GRIK1: variants seen among roughly 807,000 people sequenced by gnomAD.
GRIK1 encodes the protein glutamate ionotropic receptor kainate type subunit 1, also known as glutamate receptor ionotropic, kainate 1.
In GRIK1, 69 loss-of-function variants were observed where a neutral mutation model predicts 105.7. The observed-to-expected ratio is 0.65, with a 90% CI of 0.54 to 0.80. GRIK1 has a LOEUF of 0.80. Ranked by LOEUF, GRIK1 falls within the 30% of genes least tolerant of loss-of-function variation. GRIK1 has a pLI of 0.00. For synonymous variants in GRIK1, 438 were observed against 431.3 expected (o/e 1.02, Z -0.19); for missense variants, 1,109 against 1,167.3 (o/e 0.95, Z 0.73).
intron 4 of GRIK1, among the ~76,000 whole-genome samples, chr21:29,656,032 G>A (rs970567716): frequency 6.6e-6 from 1 of 152,048 alleles, no homozygotes; most frequent in Non-Finnish European, 1.5e-5. Flanking sequence ...CTATTTGGGT[G>A]CTTTTTTTAT....
intron 7 of GRIK1, among the ~76,000 whole-genome samples, chr21:29,619,070 G>T (rs2061921433): frequency 1.3e-5 from 2 of 149,190 alleles, no homozygotes; most frequent in Admixed American, 6.8e-5. Context: ...AGCTTGCAGT[G>T]AGCCGAGATT....
rs1488415981 is a variant in GRIK1, at chr21:29,870,371, C to T, written c.118+69012G>A. 3.3e-5 allele frequency among the ~76,000 whole-genome samples: 5 copies of T among 152,042 alleles called. 1 individual carries two copies. The East Asian group carries it at 7.7e-4, about 24-fold the overall frequency. The stretch of plus-strand genomic sequence containing the variant: ...GATTTTCAATTTGCGATATCAATTG[C>T]CAGTTTATATTGCCTTTATCTTTCC... On this transcript the variant is annotated intron_variant, in intron 1 of 17. Transcript: ENST00000327783.
At chr21:29,731,015 A>G (rs2064610535) in intron 1 of GRIK1, among the ~76,000 whole-genome samples, 1 of 152,194 alleles carries the variant, frequency 6.6e-6, no homozygotes, top group Non-Finnish European at 1.5e-5. Context: ...TCTCATTACT[A>G]GCTGAAGAAA....
intron 4 of GRIK1, among the ~76,000 whole-genome samples, chr21:29,669,520 T>G (rs2063124087): frequency 6.6e-6 from 1 of 152,214 alleles, no homozygotes; most frequent in South Asian, 2.1e-4. Flanking sequence ...TCATCCATTC[T>G]GCTTGGGGGC....
At chr21:29,584,010 A>T (rs906381850) in intron 12 of GRIK1, among the ~76,000 whole-genome samples, 1 of 152,208 alleles carries the variant, frequency 6.6e-6, no homozygotes, top group East Asian at 1.9e-4. Flanking sequence ...GAAGGGAAGA[A>T]ACATGCTTAA....
At position 29,758,326 on chromosome 21, in the gene GRIK1, A is replaced by T. The variant is rs1468167133; in HGVS notation, c.119-64263T>A. ...TTAATGGACTCACAGTTCCACATGG[A>T]TGGGGAGCCCTCACAACCATGGCAG... On this transcript the variant is annotated intron_variant, in intron 1 of 17. Transcript: ENST00000327783. 2.0e-5 allele frequency among the ~76,000 whole-genome samples: 3 copies of T among 152,336 alleles called. No individual in the cohort carries two copies. The East Asian group carries it at 5.8e-4, about 29-fold the overall frequency.
At chr21:29,828,101 G>A (rs1046880154) in intron 1 of GRIK1, among the ~76,000 whole-genome samples, 17 of 151,482 alleles carry the variant, frequency 1.1e-4, no homozygotes, top group African/African-American at 2.9e-4. Context: ...ATGGTGGCTC[G>A]GGGCTTTCTA....
In GRIK1 at chr21:29,673,128, G is replaced by C; in HGVS notation, c.581C>G (p.Ser194Cys). 1.2e-6 allele frequency: 2 copies of C among 1,612,630 alleles called. No homozygotes were observed. Among genetic ancestry groups the C allele is most frequent in the South Asian group, 2.2e-5 (2 of 91,024 alleles). The change falls in exon 4 of 18, where the codon TCC becomes TGC. Residue 194 changes from serine (S) to cysteine (C), a missense_variant. Around this residue, in one of 5 missense-constraint regions of GRIK1, gnomAD observed 612 missense variants for 586.0 expected, o/e 1.04. Transcript: ENST00000327783. The part of the protein sequence containing the change: ...IRLQELIKAP[S>C]RYNIKIKIRQ... ...GATTTTGATTTTAATATTATATCTG[G>C]AGGGAGCTTTGATGAGCTCTTGTAG...
At position 29,597,647 on chromosome 21, in the gene GRIK1, C is replaced by A. The variant is rs140422416; in HGVS notation, c.1207-1077G>T. The A allele has an allele frequency of 9.4e-5, 44 of 467,890 alleles. No homozygotes were observed. The East Asian group carries it at 3.1e-3, about 33-fold the overall frequency. 29.0% of individuals were successfully genotyped at this position (467,890 alleles called of 1,614,324 possible). ...AGGGCATGTCAGACCAACAGAGGGG[C>A]AAATCAGAGTGAAGAGGAAGCCAGA... is the stretch of plus-strand genomic sequence containing the variant. On this transcript the variant is annotated intron_variant, in intron 8 of 17. Coordinates refer to ENST00000327783, the MANE Select transcript of GRIK1 (RefSeq NM_001330994.2).
intron 1 of GRIK1, among the ~76,000 whole-genome samples, chr21:29,928,814 G>A (rs964199231): frequency 6.6e-6 from 1 of 152,210 alleles, no homozygotes; most frequent in Non-Finnish European, 1.5e-5. Flanking sequence ...CACCCCAGTG[G>A]ACGTCCTGGA....
At chr21:29,927,968 TAGAG>T (rs1175850963) in intron 1 of GRIK1, among the ~76,000 whole-genome samples, 1 of 151,934 alleles carries the variant, frequency 6.6e-6, no homozygotes, top group Admixed American at 6.6e-5. Context: ...ATATACGACA[TAGAG>T]AGAAAGAGAC....
Position 29,864,200 on chromosome 21 carries a change from G to T in GRIK1, c.118+75183C>A, listed in dbSNP as rs140990167. On this transcript the variant is annotated intron_variant, in intron 1 of 17. Coordinates refer to ENST00000327783, the MANE Select transcript of GRIK1 (RefSeq NM_001330994.2). ...GCCTTCATGCTTGATTGATAACCAG[G>T]CTTATTAGAAATGTTTAGTTAAATA... is the stretch of plus-strand genomic sequence containing the variant. Among the ~76,000 whole-genome samples the T allele has an allele frequency of 2.0e-4, 30 of 151,780 alleles. 1 individual carries two copies. Among genetic ancestry groups the T allele is most frequent in the African/African-American group, 7.3e-4 (30 of 41,366 alleles).
chr21:29,638,616 A>G (rs547060255), intron 7 of GRIK1, among the ~76,000 whole-genome samples: 23 of 151,750 alleles, frequency 1.5e-4, no homozygotes, highest in Non-Finnish European at 7.3e-5. Context: ...AAAGAAACAT[A>G]AATATTTATG....
intron 1 of GRIK1, among the ~76,000 whole-genome samples, chr21:29,926,218 A>G (rs2071365543): frequency 6.6e-6 from 1 of 152,166 alleles, no homozygotes; most frequent in Non-Finnish European, 1.5e-5. Flanking sequence ...AGTATTTACA[A>G]TAATAATTCC....
chr21:29,834,770 A>T (rs1344011333), intron 1 of GRIK1, among the ~76,000 whole-genome samples: 19 of 150,276 alleles, frequency 1.3e-4, no homozygotes, highest in Admixed American at 1.3e-3. Context: ...TATTAATATT[A>T]ATTAATATTC....
chr21:29,805,553 A>T (rs188095391), intron 1 of GRIK1, among the ~76,000 whole-genome samples: 1 of 152,304 alleles, frequency 6.6e-6, no homozygotes, highest in African/African-American at 2.4e-5. Flanking sequence ...CTAGTGGATA[A>T]ACAACTCCAC....
chr21:29,609,149 A>G (rs1012625083), intron 7 of GRIK1, among the ~76,000 whole-genome samples: 4 of 150,306 alleles, frequency 2.7e-5, no homozygotes, highest in African/African-American at 7.3e-5. Flanking sequence ...TAAGATAATA[A>G]TATATTATCT....
At chr21:29,939,348 A>G in intron 1 of GRIK1, 35 bp downstream of exon 1, 1 of 1,249,822 alleles carries the variant, frequency 8.0e-7, no homozygotes, top group Non-Finnish European at 1.1e-6. Flanking sequence ...GCGACCGACC[A>G]CGTCTCCCGA....
chr21:29,916,515 T>G (rs753007440), intron 1 of GRIK1, among the ~76,000 whole-genome samples: 24 of 151,892 alleles, frequency 1.6e-4, no homozygotes, highest in Non-Finnish European at 3.1e-4. Flanking sequence ...GGATAACACC[T>G]TCTAAATTTC....
Sources: gnomAD v4.1 joint callset for allele counts (sites outside exome capture counted in the v4.1 genomes callset) on GRCh38, gnomAD v4.1.1 for gene constraint, gnomAD v4.1.1 regional missense constraint, MANE v1.5 for transcripts, NCBI Gene and HGNC (gene_info 2026-07-23, HGNC 2026-07-21) for gene names.